Variants in SARNP observed in about 807,000 individuals in gnomAD.
SARNP encodes SAP domain containing ribonucleoprotein.
SARNP carries 5 observed loss-of-function variants against 38.1 expected under a neutral mutation model. The observed-to-expected ratio is 0.13, with a 90% CI of 0.07 to 0.28. The LOEUF (loss-of-function observed/expected upper bound fraction) is 0.28, where lower values mean the gene tolerates loss of function less well. Ranked by LOEUF, SARNP falls within the 10% of genes least tolerant of loss-of-function variation. SARNP has a pLI of 1.00. For synonymous variants in SARNP, 84 were observed against 80.6 expected (o/e 1.04, Z -0.23); for missense variants, 180 against 243.9 (o/e 0.74, Z 1.75).
At chr12:55,765,918 G>A (rs1471478500) in intron 9 of SARNP, among the ~76,000 whole-genome samples, 1 of 152,104 alleles carries the variant, frequency 6.6e-6, no homozygotes, top group Non-Finnish European at 1.5e-5. Flanking sequence ...CTTCTAGCGT[G>A]ACGGTGTTGC....
chr12:55,789,007 C>T (rs1879586293), intron 9 of SARNP, 68 bp downstream of exon 9: 2 of 1,027,790 alleles, frequency 1.9e-6, no homozygotes, highest in South Asian at 2.8e-5. Flanking sequence ...GGGTCATTTC[C>T]AGCCTATGTA....
chr12:55,753,918 ACTGTACTCCAAG>A (rs1370397010), downstream of SARNP: 1 of 152,134 alleles, frequency 6.6e-6, no homozygotes, highest in African/African-American at 2.4e-5. Context: ...GTAAATAGCC[ACTGTACTCCAAG>A]CTGAGCAACA....
chr12:55,800,413 A>G, intron 4 of SARNP, 149 bp downstream of exon 4: 1 of 568,516 alleles, frequency 1.8e-6, no homozygotes, highest in Non-Finnish European at 3.1e-6. Flanking sequence ...AGTACTTTGA[A>G]GTAGTCCCTT....
intron 9 of SARNP, among the ~76,000 whole-genome samples, chr12:55,784,099 A>G (rs1446035614): frequency 6.6e-6 from 1 of 152,188 alleles, no homozygotes; most frequent in Non-Finnish European, 1.5e-5. Context: ...AACAGAGATG[A>G]CAAAAAGTGG....
rs552011448 is a variant in SARNP at position 55,810,262 on chromosome 12, G to A, written c.37-6534C>T. 2.6e-5 allele frequency among the ~76,000 whole-genome samples: 4 copies of A among 152,188 alleles called. No individual in the cohort carries two copies. In the South Asian group the frequency reaches 8.3e-4, roughly 32 times the overall value. On this transcript the variant is annotated intron_variant, in intron 1 of 10. Coordinates refer to ENST00000336133, the MANE Select transcript of SARNP (RefSeq NM_033082.4). ...TGTATAGCTGGGACCACAGGTGTGT[G>A]CCACCACAGCCAGCTAATTTTTTTA...
At position 55,794,401 on chromosome 12, in the gene SARNP, A is replaced by G; in HGVS notation, c.378-14T>C. ...GAAATCCCAAACCTGAAGAAGGAAA[A>G]ACAAACTAAATTTTAGGAAGCTGTT... is the stretch of plus-strand genomic sequence containing the variant. On this transcript the variant is annotated splice_polypyrimidine_tract_variant and intron_variant, in intron 6 of 10. Coordinates refer to ENST00000336133, the MANE Select transcript of SARNP (RefSeq NM_033082.4). 1.2e-6 allele frequency: 2 copies of G among 1,606,326 alleles called. No individual in the cohort carries two copies. Among genetic ancestry groups the G allele is most frequent in the Non-Finnish European group, 1.7e-6 (2 of 1,177,822 alleles).
intron 9 of SARNP, among the ~76,000 whole-genome samples, chr12:55,785,451 A>G (rs1389690787): frequency 1.3e-5 from 2 of 152,156 alleles, no homozygotes; most frequent in African/African-American, 2.4e-5. Flanking sequence ...TCAAAGTATC[A>G]CTGTTAGGTA....
At chr12:55,784,432 A>G (rs1879429950) in intron 9 of SARNP, among the ~76,000 whole-genome samples, 1 of 152,208 alleles carries the variant, frequency 6.6e-6, no homozygotes, top group South Asian at 2.1e-4. Flanking sequence ...CTCATCAGAC[A>G]ATGTACCCAG....
At chr12:55,793,767 T>C (rs1266615802) in intron 7 of SARNP, 1 of 152,772 alleles carries the variant, frequency 6.5e-6, no homozygotes, top group Non-Finnish European at 1.5e-5. Context: ...TAATATAATT[T>C]TGTAACTTTT....
At position 55,760,592 on chromosome 12, in the gene SARNP, C is replaced by T; in HGVS notation, c.550G>A (p.Val184Ile). The change falls in exon 10 of 11, where the codon GTC (valine) becomes ATC (isoleucine). Residue 184 changes from valine to isoleucine, a missense_variant. Transcript: ENST00000336133. ...LKKRKERFGI[V>I]TSSAGTGTTE... is the part of the protein sequence containing the mutation. ...GTTCCAGTTCCAGCTGAACTTGTGA[C>T]AATCCCAAATCGCTCCTTCCTCTTT... The T allele has an allele frequency of 6.2e-7, 1 of 1,613,514 alleles. No homozygotes were observed. Among genetic ancestry groups the T allele is most frequent in the Non-Finnish European group, 8.5e-7 (1 of 1,179,466 alleles).
At chr12:55,796,990 AG>A (rs1176970989) in intron 4 of SARNP, among the ~76,000 whole-genome samples, 2 of 152,126 alleles carry the variant, frequency 1.3e-5, no homozygotes, top group Non-Finnish European at 2.9e-5. Flanking sequence ...GGGGGACCAC[AG>A]GGGCGGGAGA....
rs529597820 is a variant in SARNP, at chr12:55,758,050, G to C, written c.592-497C>G. ...CCTTAGGACTCCAACCCACAAAAAA[G>C]GCATATAAATCTTTGATGCCAACAG... On this transcript the variant is annotated intron_variant, in intron 10 of 10. Coordinates refer to ENST00000336133, the MANE Select transcript of SARNP (RefSeq NM_033082.4). Among the ~76,000 whole-genome samples, 19 of 152,294 alleles carry C rather than the reference G, an allele frequency of 1.2e-4. No homozygotes were observed. The South Asian group carries it at 2.7e-3, about 22-fold the overall frequency.
chr12:55,782,754 A>G (rs1307787108), intron 9 of SARNP, among the ~76,000 whole-genome samples: 1 of 152,064 alleles, frequency 6.6e-6, no homozygotes, highest in Non-Finnish European at 1.5e-5. Context: ...GCACCTGGCT[A>G]ATTTGTTTTT....
downstream of SARNP, chr12:55,755,455 T>A (rs1878477262): frequency 6.6e-6 from 1 of 152,194 alleles, no homozygotes; most frequent in African/African-American, 2.4e-5. Context: ...ATTAAGAGCT[T>A]CCAGGTATGC....
intron 1 of SARNP, among the ~76,000 whole-genome samples, chr12:55,812,589 G>A (rs1880359458): frequency 6.6e-6 from 1 of 152,186 alleles, no homozygotes; most frequent in South Asian, 2.1e-4. Flanking sequence ...ATGTCCCACA[G>A]ACACCTAAGC....
chr12:55,755,221 C>T (rs904001798), downstream of SARNP: 1 of 151,942 alleles, frequency 6.6e-6, no homozygotes, highest in African/African-American at 2.4e-5. Context: ...GAGAACTCAG[C>T]TCAACACCAA....
chr12:55,802,749 C>A (rs1365587227), intron 2 of SARNP, among the ~76,000 whole-genome samples: 2 of 150,758 alleles, frequency 1.3e-5, no homozygotes, highest in African/African-American at 2.4e-5. Context: ...CTATTATATA[C>A]ATATAGTATA....
Position 55,757,429 on chromosome 12 carries a change from CTG to C in SARNP, c.*81_*82del. ...TGCGAGGCAGGACGTAGGCACATGA[CTG>C]TGCATTTAGGCATATATGTGACCAA... On this transcript the variant is annotated 3_prime_UTR_variant, in exon 11 of 11. Transcript: ENST00000336133. 1 of 1,187,292 alleles carries C rather than the reference CTG, an allele frequency of 8.4e-7. No individual in the cohort carries two copies. Among genetic ancestry groups the C allele is most frequent in the Non-Finnish European group, 1.2e-6 (1 of 827,150 alleles). The allele number at this position is 1,187,292 out of a possible 1,614,324, so 73.5% of individuals were successfully genotyped here.
intron 1 of SARNP, among the ~76,000 whole-genome samples, chr12:55,810,497 G>A (rs1333352183): frequency 6.7e-6 from 1 of 150,124 alleles, no homozygotes; most frequent in Non-Finnish European, 1.5e-5. Context: ...TTGTCACTCA[G>A]GCTGGAGTAC....
Sources: gnomAD v4.1 joint callset for allele counts (sites outside exome capture counted in the v4.1 genomes callset) on GRCh38, gnomAD v4.1.1 for gene constraint, MANE v1.5 for transcripts, NCBI Gene and HGNC (gene_info 2026-07-23, HGNC 2026-07-21) for gene names.